Variants in BBX observed in about 807,000 individuals in gnomAD.
BBX encodes the protein BBX high mobility group box domain containing, also known as HMG box transcription factor BBX.
In BBX, 30 loss-of-function variants were observed where a neutral mutation model predicts 100.2. That is an observed-to-expected ratio of 0.30 (90% CI 0.22 to 0.41). The LOEUF (loss-of-function observed/expected upper bound fraction) is 0.41, where lower values mean the gene tolerates loss of function less well. BBX is among the 10% of genes least tolerant of loss of function. BBX has a pLI of 1.00. For synonymous variants in BBX, 376 were observed against 388.1 expected, an observed-to-expected ratio of 0.97 and a Z score of 0.37; for missense variants, 1,023 against 1,129.8, an observed-to-expected ratio of 0.91 and a Z score of 1.35.
At chr3:107,603,065 G>A (rs942243839) in intron 2 of BBX, among the ~76,000 whole-genome samples, 3 of 152,112 alleles carry the variant, frequency 2.0e-5, no homozygotes, top group Admixed American at 2.0e-4. Context: ...CCAGGTTCAC[G>A]CCATTCTCCT....
At chr3:107,710,982 C>G (rs2061683260) in intron 4 of BBX, among the ~76,000 whole-genome samples, 1 of 152,214 alleles carries the variant, frequency 6.6e-6, no homozygotes, top group African/African-American at 2.4e-5. Flanking sequence ...TGGCCTCGCC[C>G]TGCTACCATT....
chr3:107,797,399 C>T (rs1303979814), intron 15 of BBX, among the ~76,000 whole-genome samples: 4 of 124,422 alleles, frequency 3.2e-5, no homozygotes, highest in African/African-American at 3.0e-5. Context: ...AGATATGCCT[C>T]CTCTGGATTT....
At chr3:107,789,074 T>C (rs955889803) in intron 13 of BBX, among the ~76,000 whole-genome samples, 3 of 152,136 alleles carry the variant, frequency 2.0e-5, no homozygotes, top group Admixed American at 2.0e-4. Context: ...GGTTCACCTG[T>C]GGCCAGAAGG....
Position 107,543,197 on chromosome 3 carries a change from T to G in BBX, c.-84+16799T>G, listed in dbSNP as rs141772213. On this transcript the variant is annotated intron_variant, in intron 2 of 17. Coordinates refer to ENST00000325805, the MANE Select transcript of BBX (RefSeq NM_001142568.3). Reference sequence around the variant, plus strand: ...TTTAAAAGGGATTCTACAGATGATCTTGGAGCATTATAATCTATCATTATA... The same window carrying G: ...TTTAAAAGGGATTCTACAGATGATCGTGGAGCATTATAATCTATCATTATA... 2.3e-3 allele frequency among the ~76,000 whole-genome samples: 343 copies of G among 152,302 alleles called. 2 individuals are homozygous for G. Among genetic ancestry groups the G allele is most frequent in the African/African-American group, 7.2e-3 (298 of 41,556 alleles).
chr3:107,543,162 A>G (rs895126435), intron 2 of BBX, among the ~76,000 whole-genome samples: 2 of 152,244 alleles, frequency 1.3e-5, no homozygotes, highest in Admixed American at 1.3e-4. Context: ...AAAGAGAATT[A>G]TATTTTAGCT....
chr3:107,578,563 T>C (rs1440714884), intron 2 of BBX, among the ~76,000 whole-genome samples: 2 of 152,242 alleles, frequency 1.3e-5, no homozygotes, highest in Non-Finnish European at 2.9e-5. Flanking sequence ...GCATCTACGC[T>C]TGCCTTCCTT....
chr3:107,708,020 G>A (rs1202189420), intron 3 of BBX, among the ~76,000 whole-genome samples: 4 of 152,004 alleles, frequency 2.6e-5, no homozygotes, highest in Non-Finnish European at 4.4e-5. Context: ...CCCTTAAATG[G>A]GTTTAACTAC....
At chr3:107,548,229 A>C (rs963961143) in intron 2 of BBX, among the ~76,000 whole-genome samples, 1 of 152,178 alleles carries the variant, frequency 6.6e-6, no homozygotes, top group African/African-American at 2.4e-5. Context: ...AATAATAGTT[A>C]CCTTTTGAAG....
At chr3:107,740,379 A>G (rs548728925) in intron 7 of BBX, among the ~76,000 whole-genome samples, 1 of 151,504 alleles carries the variant, frequency 6.6e-6, no homozygotes, top group Non-Finnish European at 1.5e-5. Flanking sequence ...CAGCTCTGAC[A>G]TCTTTCCAGA....
chr3:107,652,441 C>T (rs1336628731), intron 3 of BBX, among the ~76,000 whole-genome samples: 2 of 150,128 alleles, frequency 1.3e-5, no homozygotes, highest in Non-Finnish European at 3.0e-5. Flanking sequence ...TAATTTTAAT[C>T]AGTTTGTCAG....
At chr3:107,761,419 G>C (rs2065892913) in intron 10 of BBX, among the ~76,000 whole-genome samples, 1 of 152,202 alleles carries the variant, frequency 6.6e-6, no homozygotes, top group Non-Finnish European at 1.5e-5. Context: ...GCTATGTATG[G>C]AATGGAGTGG....
At position 107,710,508 on chromosome 3, in the gene BBX, G is replaced by A. The variant is rs1201256834; in HGVS notation, c.48G>A (p.Gly16=). ...RNKDHSAEGE[G]VGKRPKRKCL... The stretch of plus-strand genomic sequence containing the variant: ...AGGATCATTCAGCAGAAGGAGAAGG[G>A]GTTGGAAAACGACCAAAACGAAAGT... The change falls in exon 4 of 18, where the codon GGG becomes GGA. Residue 16 remains glycine (G), a synonymous_variant. Transcript: ENST00000325805. 6.2e-7 allele frequency: 1 copy of A among 1,613,392 alleles called. No homozygotes were observed. Among genetic ancestry groups the A allele is most frequent in the Non-Finnish European group, 8.5e-7 (1 of 1,179,692 alleles).
chr3:107,620,921 T>C, intron 2 of BBX, among the ~76,000 whole-genome samples: 1 of 133,904 alleles, frequency 7.5e-6, no homozygotes, highest in Non-Finnish European at 1.6e-5. Context: ...GCCACATGAT[T>C]GATTTCTGCG....
intron 6 of BBX, among the ~76,000 whole-genome samples, chr3:107,730,191 A>G (rs2107513939): frequency 6.6e-6 from 1 of 152,314 alleles, no homozygotes; most frequent in African/African-American, 2.4e-5. Context: ...AGCTCCCAAA[A>G]TGATGCTTCT....
At chr3:107,789,740 T>C in intron 13 of BBX, 47 bp from the exon 14 acceptor site, 2 of 1,273,658 alleles carry the variant, frequency 1.6e-6, no homozygotes, top group Non-Finnish European at 2.1e-6. Flanking sequence ...ATATTTTTTA[T>C]GAAACATTGT....
intron 2 of BBX, among the ~76,000 whole-genome samples, chr3:107,539,382 A>C (rs1381770742): frequency 6.6e-6 from 1 of 152,146 alleles, no homozygotes; most frequent in African/African-American, 2.4e-5. Flanking sequence ...TGGTGAGTAC[A>C]GGGTGATGGG....
At chr3:107,672,152 A>T (rs967022701) in intron 3 of BBX, among the ~76,000 whole-genome samples, 1 of 152,038 alleles carries the variant, frequency 6.6e-6, no homozygotes, top group Non-Finnish European at 1.5e-5. Flanking sequence ...ATTAGAGCAG[A>T]TGTATTAGAG....
chr3:107,693,030 C>A (rs1469391064), intron 3 of BBX, among the ~76,000 whole-genome samples: 1 of 146,172 alleles, frequency 6.8e-6, no homozygotes, highest in Non-Finnish European at 1.5e-5. Context: ...CCTTTGCCCA[C>A]TTTTTGATGG....
chr3:107,750,065 C>T (rs1367244921), intron 9 of BBX, among the ~76,000 whole-genome samples: 1 of 152,162 alleles, frequency 6.6e-6, no homozygotes, highest in African/African-American at 2.4e-5. Flanking sequence ...GATCCCATGC[C>T]TTTCATAAAC....
Sources: gnomAD v4.1 joint callset for allele counts (sites outside exome capture counted in the v4.1 genomes callset) on GRCh38, gnomAD v4.1.1 for gene constraint, MANE v1.5 for transcripts, NCBI Gene and HGNC (gene_info 2026-07-23, HGNC 2026-07-21) for gene names.